Variants in NALF1 observed in about 807,000 individuals in gnomAD.
The protein encoded by NALF1 is family with sequence similarity 155 member A.
In NALF1, 3 loss-of-function variants were observed where a neutral mutation model predicts 48.4. That is an observed-to-expected ratio of 0.06 (90% CI 0.03 to 0.16). NALF1 has a LOEUF of 0.16. NALF1 is among the 10% of genes least tolerant of loss of function. NALF1 has a pLI of 1.00. For synonymous variants in NALF1, 262 were observed against 245.7 expected, an observed-to-expected ratio of 1.07 and a Z score of -0.62; for missense variants, 526 against 571.5, an observed-to-expected ratio of 0.92 and a Z score of 0.81.
chr13:107,340,471 C>CTCTTTCTTTCTTTCTTTTTG, intron 1 of NALF1, among the ~76,000 whole-genome samples: 1 of 79,256 alleles, frequency 1.3e-5, no homozygotes, highest in East Asian at 3.2e-4. Context: ...TCTTTCTTCT[C>CTCTTTCTTTCTTTCTTTTTG]TCTTTCTTTC....
At chr13:107,210,812 A>G in intron 1 of NALF1, 57 bp from the exon 2 acceptor site, 11 of 1,227,184 alleles carry the variant, frequency 9.0e-6, no homozygotes, top group Admixed American at 3.4e-5. Context: ...ACAGTGATAG[A>G]GGCACTGTGA....
chr13:107,621,691 T>C (rs931546758), intron 1 of NALF1, among the ~76,000 whole-genome samples: 3 of 152,214 alleles, frequency 2.0e-5, no homozygotes, highest in East Asian at 1.9e-4. Context: ...TCTGGCTCTC[T>C]GCCCTGTCAC....
intron 1 of NALF1, among the ~76,000 whole-genome samples, chr13:107,371,661 CATT>C (rs1883250939): frequency 6.6e-6 from 1 of 152,014 alleles, no homozygotes; most frequent in Non-Finnish European, 1.5e-5. Context: ...TAGTAGTTAT[CATT>C]GAGGTTGCTA....
chr13:107,335,817 T>C (rs1417673977), intron 1 of NALF1, among the ~76,000 whole-genome samples: 1 of 152,242 alleles, frequency 6.6e-6, no homozygotes, highest in African/African-American at 2.4e-5. Context: ...TAGAATATCC[T>C]TTACCGTAAG....
intron 1 of NALF1, among the ~76,000 whole-genome samples, chr13:107,448,084 A>G (rs1232275103): frequency 1.3e-5 from 2 of 152,180 alleles, no homozygotes; most frequent in Non-Finnish European, 1.5e-5. Flanking sequence ...CCTCTCTTAT[A>G]TAATGTGTTC....
At chr13:107,837,398 G>A (rs976835340) in intron 1 of NALF1, among the ~76,000 whole-genome samples, 1 of 152,182 alleles carries the variant, frequency 6.6e-6, no homozygotes, top group South Asian at 2.1e-4. Flanking sequence ...TCATGGGATG[G>A]CGTTGGGTCT....
At chr13:107,188,497 T>G (rs1314171748) in intron 2 of NALF1, among the ~76,000 whole-genome samples, 5 of 152,174 alleles carry the variant, frequency 3.3e-5, no homozygotes, top group Non-Finnish European at 7.3e-5. Context: ...TCTATACATT[T>G]ATAATTTTTA....
At position 107,231,942 on chromosome 13, in the gene NALF1, T is replaced by C. The variant is rs1304841667; in HGVS notation, c.916-21187A>G. ...GTCCAGCATTTTTAAGCACTTCTAA[T>C]CTATTTCTTTTTATTTTCTAAAAAT... On this transcript the variant is annotated intron_variant, in intron 1 of 2. Transcript: ENST00000375915. 2.6e-5 allele frequency among the ~76,000 whole-genome samples: 4 copies of C among 152,228 alleles called. No individual in the cohort carries two copies. In the East Asian group the frequency reaches 7.7e-4, roughly 29 times the overall value.
intron 1 of NALF1, among the ~76,000 whole-genome samples, chr13:107,370,550 TC>T (rs1883231476): frequency 6.6e-6 from 1 of 152,178 alleles, no homozygotes; most frequent in African/African-American, 2.4e-5. Flanking sequence ...TGCAGATAGA[TC>T]CAAAAGTAAC....
At chr13:107,492,045 T>TTG (rs1456037122) in intron 1 of NALF1, among the ~76,000 whole-genome samples, 23 of 144,154 alleles carry the variant, frequency 1.6e-4, no homozygotes, top group African/African-American at 6.0e-4. Context: ...TTTTTTTGTT[T>TTG]TTTTTTTTTT....
At chr13:107,473,534 C>T (rs1885132917) in intron 1 of NALF1, among the ~76,000 whole-genome samples, 4 of 152,242 alleles carry the variant, frequency 2.6e-5, no homozygotes, top group South Asian at 2.1e-4. Context: ...GTGGTTGTTT[C>T]TCTGAAGAAA....
chr13:107,778,324 G>A (rs540921646), intron 1 of NALF1, among the ~76,000 whole-genome samples: 1 of 152,310 alleles, frequency 6.6e-6, no homozygotes, highest in South Asian at 2.1e-4. Context: ...TTTTAAGAAG[G>A]AATTTAATTA....
intron 1 of NALF1, among the ~76,000 whole-genome samples, chr13:107,320,178 A>G (rs566577982): frequency 2.6e-5 from 4 of 152,248 alleles, no homozygotes; most frequent in South Asian, 4.1e-4. Flanking sequence ...AGATGTGCCT[A>G]AAAAATAAAC....
At chr13:107,210,818 T>A in intron 1 of NALF1, 63 bp from the exon 2 acceptor site, 1 of 1,190,524 alleles carries the variant, frequency 8.4e-7, no homozygotes, top group Non-Finnish European at 1.2e-6. Context: ...ATAGAGGCAC[T>A]GTGAGAAGCG....
intron 1 of NALF1, among the ~76,000 whole-genome samples, chr13:107,819,882 A>C (rs1879314593): frequency 6.6e-6 from 1 of 151,936 alleles, no homozygotes; most frequent in South Asian, 2.1e-4. Flanking sequence ...TCTATTTTTT[A>C]GGCTTTCTGA....
At chr13:107,198,429 A>G (rs1162313359) in intron 2 of NALF1, among the ~76,000 whole-genome samples, 1 of 151,936 alleles carries the variant, frequency 6.6e-6, no homozygotes, top group Non-Finnish European at 1.5e-5. Context: ...CTTCGTTACT[A>G]CTCTCTGCGT....
intron 1 of NALF1, among the ~76,000 whole-genome samples, chr13:107,536,956 C>T (rs1313973439): frequency 6.6e-6 from 1 of 152,132 alleles, no homozygotes; most frequent in Non-Finnish European, 1.5e-5. Flanking sequence ...TGGAAACCAT[C>T]ATTCTCAGCA....
chr13:107,441,737 GC>G (rs1884563332), intron 1 of NALF1, among the ~76,000 whole-genome samples: 1 of 152,190 alleles, frequency 6.6e-6, no homozygotes, highest in Non-Finnish European at 1.5e-5. Context: ...GGTGATTTCA[GC>G]TGGCACCCTT....
chr13:107,444,737 C>A (rs958059420), intron 1 of NALF1, among the ~76,000 whole-genome samples: 2 of 152,060 alleles, frequency 1.3e-5, no homozygotes, highest in Non-Finnish European at 2.9e-5. Flanking sequence ...TTATACAAGT[C>A]TTGTGCAGAA....
Sources: allele counts gnomAD v4.1 joint callset (sites outside exome capture counted in the v4.1 genomes callset), GRCh38; gene constraint gnomAD v4.1.1; transcripts MANE v1.5; gene names NCBI Gene and HGNC (gene_info 2026-07-23, HGNC 2026-07-21).